Variants in ELOC observed in about 807,000 individuals in gnomAD.
The protein encoded by ELOC is elongin-C.
For missense variants in ELOC, 38 were observed against 139.0 expected (o/e 0.27, Z 3.65); for synonymous variants, 40 against 51.3 (o/e 0.78, Z 0.94).
chr8:73,959,694 ATT>A, intron 2 of ELOC, 69 bp downstream of exon 2: 2 of 1,364,728 alleles, frequency 1.5e-6, no homozygotes, highest in Non-Finnish European at 2.0e-6. Flanking sequence ...TGTTCACTGA[ATT>A]TTAAAGATCT....
intron 3 of ELOC, among the ~76,000 whole-genome samples, chr8:73,952,827 A>G (rs1373711199): frequency 2.6e-5 from 4 of 151,974 alleles, no homozygotes; most frequent in Non-Finnish European, 5.9e-5. Flanking sequence ...CATGTATCTG[A>G]TAAGGGTCTA....
intron 3 of ELOC, among the ~76,000 whole-genome samples, chr8:73,949,891 T>C (rs2131071956): frequency 1.3e-5 from 2 of 152,294 alleles, no homozygotes; most frequent in South Asian, 4.1e-4. Flanking sequence ...ATTAAAATTC[T>C]GTTGGCATTT....
At chr8:73,962,751 T>C (rs1050498096) in intron 1 of ELOC, among the ~76,000 whole-genome samples, 25 of 152,214 alleles carry the variant, frequency 1.6e-4, no homozygotes, top group African/African-American at 5.8e-4. Flanking sequence ...ACAGTTTCTC[T>C]ACAGAGTTAA....
intron 2 of ELOC, 69 bp downstream of exon 2, chr8:73,959,696 T>A: frequency 7.3e-7 from 1 of 1,377,484 alleles, no homozygotes; most frequent in Non-Finnish European, 9.9e-7. Context: ...TTCACTGAAT[T>A]TTAAAGATCT....
At chr8:73,971,172 G>C (rs932078197) in intron 1 of ELOC, among the ~76,000 whole-genome samples, 1 of 152,124 alleles carries the variant, frequency 6.6e-6, no homozygotes, top group African/African-American at 2.4e-5. Flanking sequence ...TTGGGAGGCC[G>C]ACGGGGGCGG....
At chr8:73,948,521 TATC>T (rs1305566931) in intron 3 of ELOC, among the ~76,000 whole-genome samples, 2 of 151,998 alleles carry the variant, frequency 1.3e-5, no homozygotes, top group Non-Finnish European at 2.9e-5. Flanking sequence ...AGTGAGCTGA[TATC>T]ATACCACTGC....
chr8:73,953,328 A>C (rs1214698855), intron 3 of ELOC, among the ~76,000 whole-genome samples: 1 of 152,024 alleles, frequency 6.6e-6, no homozygotes, highest in African/African-American at 2.4e-5. Context: ...ATCACCAAAC[A>C]AACCACCTAA....
At position 73,949,695 on chromosome 8, in the gene ELOC, T is replaced by C. The variant is rs764913996; in HGVS notation, c.149-2875A>G. ...CTGAGTTCTTTTACTTAGCATGCTGTCGAGGTGCATACGGACTGTAGCATG... is the reference window on the plus strand; with the variant it reads ...CTGAGTTCTTTTACTTAGCATGCTGCCGAGGTGCATACGGACTGTAGCATG... On this transcript the variant is annotated intron_variant, in intron 3 of 3. Coordinates refer to ENST00000520242, the MANE Select transcript of ELOC (RefSeq NM_005648.4). Among the ~76,000 whole-genome samples, 25 of 152,316 alleles carry C rather than the reference T, an allele frequency of 1.6e-4. 2 individuals are homozygous for C. The highest frequency in any genetic ancestry group is 6.8e-3 in the Middle Eastern group (2 of 294).
chr8:73,952,915 C>G (rs577908916), intron 3 of ELOC, among the ~76,000 whole-genome samples: 2 of 152,084 alleles, frequency 1.3e-5, no homozygotes, highest in Non-Finnish European at 2.9e-5. Context: ...GGGCAAAAGA[C>G]TTGAATAGAC....
At chr8:73,950,793 T>C (rs892892406) in intron 3 of ELOC, among the ~76,000 whole-genome samples, 4 of 152,218 alleles carry the variant, frequency 2.6e-5, no homozygotes, top group African/African-American at 9.6e-5. Flanking sequence ...AAAGCTCAAA[T>C]GTAATTCAAT....
At chr8:73,955,151 T>G (rs983955865) in intron 3 of ELOC, among the ~76,000 whole-genome samples, 3 of 149,394 alleles carry the variant, frequency 2.0e-5, no homozygotes, top group Non-Finnish European at 4.4e-5. Context: ...AGAAATCAAT[T>G]TTTTTTCCCC....
At chr8:73,960,742 TG>T (rs1814531829) in intron 1 of ELOC, among the ~76,000 whole-genome samples, 1 of 152,136 alleles carries the variant, frequency 6.6e-6, no homozygotes, top group African/African-American at 2.4e-5. Flanking sequence ...TAGTACACAG[TG>T]GTAGACAATA....
chr8:73,965,803 A>T (rs1814935952), intron 1 of ELOC, among the ~76,000 whole-genome samples: 1 of 152,226 alleles, frequency 6.6e-6, no homozygotes, highest in Non-Finnish European at 1.5e-5. Flanking sequence ...TTTGAAAGTG[A>T]CATCGGTAAT....
chr8:73,970,772 G>A (rs1452951970), intron 1 of ELOC: 1 of 151,720 alleles, frequency 6.6e-6, no homozygotes, highest in Non-Finnish European at 1.5e-5. Flanking sequence ...TGTAATCGTA[G>A]CTCTTTGGGA....
intron 3 of ELOC, among the ~76,000 whole-genome samples, chr8:73,947,554 AT>A (rs1031256824): frequency 6.6e-5 from 10 of 151,978 alleles, no homozygotes; most frequent in African/African-American, 2.4e-4. Context: ...TGGAATTCTG[AT>A]TTTTTTAGTA....
At chr8:73,951,714 G>A (rs1813779031) in intron 3 of ELOC, among the ~76,000 whole-genome samples, 1 of 152,054 alleles carries the variant, frequency 6.6e-6, no homozygotes, top group Admixed American at 6.6e-5. Flanking sequence ...AGCTGCAAGG[G>A]ATCCCAAATA....
chr8:73,947,330 G>A (rs772023273), intron 3 of ELOC, among the ~76,000 whole-genome samples: 11 of 152,092 alleles, frequency 7.2e-5, no homozygotes, highest in Non-Finnish European at 1.5e-4. Context: ...GATGGGCATA[G>A]AGGGAAAACT....
chr8:73,950,124 G>A (rs895692890), intron 3 of ELOC, among the ~76,000 whole-genome samples: 2 of 152,032 alleles, frequency 1.3e-5, no homozygotes, highest in African/African-American at 4.8e-5. Context: ...TTTCGGGATC[G>A]GGGAACAATG....
At chr8:73,957,280 A>G (rs1438526838) in intron 2 of ELOC, among the ~76,000 whole-genome samples, 1 of 152,168 alleles carries the variant, frequency 6.6e-6, no homozygotes, top group Non-Finnish European at 1.5e-5. Context: ...CAAAGCTGAC[A>G]TGAGGAGACA....
Sources: gnomAD v4.1 joint callset for allele counts (sites outside exome capture counted in the v4.1 genomes callset) on GRCh38, gnomAD v4.1.1 for gene constraint, MANE v1.5 for transcripts, NCBI Gene and HGNC (gene_info 2026-07-23, HGNC 2026-07-21) for gene names.